DNAJB6: variants seen among roughly 807,000 people sequenced by gnomAD.
The protein encoded by DNAJB6 is dnaJ homolog subfamily B member 6.
Under a neutral mutation model 42.7 loss-of-function variants are expected in DNAJB6, and 16 were observed. The observed-to-expected ratio is 0.37, with a 90% confidence interval of 0.25 to 0.57. DNAJB6 has a LOEUF of 0.57. DNAJB6 is among the 20% of genes least tolerant of loss of function. DNAJB6 has a pLI of 0.74. For missense variants in DNAJB6, 347 were observed against 416.8 expected, an observed-to-expected ratio of 0.83 and a Z score of 1.46; for synonymous variants, 170 against 163.5, an observed-to-expected ratio of 1.04 and a Z score of -0.30.
intron 1 of DNAJB6, among the ~76,000 whole-genome samples, chr7:157,344,937 T>C (rs532677192): frequency 2.6e-5 from 4 of 152,216 alleles, no homozygotes; most frequent in Non-Finnish European, 4.4e-5. Flanking sequence ...AGTGCTACTT[T>C]ACAGCACTGT....
chr7:157,373,257 A>G (rs79161932), intron 5 of DNAJB6, among the ~76,000 whole-genome samples: 1,685 of 152,276 alleles, frequency 0.011, 29 homozygotes, highest in East Asian at 0.06. Flanking sequence ...TCATATTTCT[A>G]ACGGGTAGAT....
chr7:157,349,950 G>A (rs987375901), intron 1 of DNAJB6, among the ~76,000 whole-genome samples: 2 of 152,012 alleles, frequency 1.3e-5, no homozygotes, highest in African/African-American at 4.8e-5. Flanking sequence ...GCCAACGCCC[G>A]GCTAATTATT....
At chr7:157,347,873 C>T (rs1048565566) in intron 1 of DNAJB6, among the ~76,000 whole-genome samples, 5 of 151,762 alleles carry the variant, frequency 3.3e-5, no homozygotes, top group African/African-American at 1.2e-4. Context: ...TTGGTTTACT[C>T]CAACCTCTGC....
chr7:157,371,440 C>T (rs1281287801), intron 5 of DNAJB6, among the ~76,000 whole-genome samples: 2 of 152,232 alleles, frequency 1.3e-5, no homozygotes, highest in Non-Finnish European at 2.9e-5. Context: ...CAGGTCTGTG[C>T]CTGAGCACCA....
At chr7:157,367,551 C>T in intron 5 of DNAJB6, 68 bp downstream of exon 5, 1 of 961,710 alleles carries the variant, frequency 1.0e-6, no homozygotes, top group Non-Finnish European at 1.7e-6. Flanking sequence ...TTAGTATGGC[C>T]TTTCTGTTGA....
In DNAJB6 at chr7:157,382,641, G is replaced by A. The variant is rs1800844692; in HGVS notation, c.478+264G>A. 1.2e-5 allele frequency: 3 copies of A among 250,826 alleles called. No homozygotes were observed. In the Admixed American group the frequency reaches 1.7e-4, roughly 14 times the overall value. 15.5% of individuals were successfully genotyped at this position (250,826 alleles called of 1,614,324 possible). A position where few individuals can be genotyped will look rare whatever the true frequency, so the allele number is the denominator to read the frequency against. On this transcript the variant is annotated intron_variant, in intron 6 of 9. Transcript: ENST00000262177. Reference sequence around the variant, plus strand: ...ATGTAATGAAATTCTTAGTTAAAAAGGGGCAACATATGTTCTGCATCAGTA... The same window carrying A: ...ATGTAATGAAATTCTTAGTTAAAAAAGGGCAACATATGTTCTGCATCAGTA...
At chr7:157,402,583 CACTT>C (rs1157272707) in intron 8 of DNAJB6, among the ~76,000 whole-genome samples, 1 of 152,226 alleles carries the variant, frequency 6.6e-6, no homozygotes, top group East Asian at 1.9e-4. Flanking sequence ...CCACTCACAC[CACTT>C]CCACCTCCGT....
At chr7:157,356,738 T>A (rs10257771) in intron 1 of DNAJB6, among the ~76,000 whole-genome samples, 11,199 of 152,278 alleles carry the variant, frequency 0.074, 617 homozygotes, top group African/African-American at 0.16. Flanking sequence ...GAACAAGTTT[T>A]TTTCTAAGTT....
At chr7:157,357,062 G>A in intron 1 of DNAJB6, among the ~76,000 whole-genome samples, 1 of 150,324 alleles carries the variant, frequency 6.7e-6, no homozygotes, top group Admixed American at 6.6e-5. Flanking sequence ...ACTTTGGGAG[G>A]CTGAGGTGGG....
chr7:157,401,197 C>T (rs1795501404), intron 8 of DNAJB6, among the ~76,000 whole-genome samples: 1 of 152,120 alleles, frequency 6.6e-6, no homozygotes, highest in Admixed American at 6.6e-5. Context: ...CAGTCGTGTA[C>T]ATGATTTATA....
chr7:157,337,334 CAGG>C (rs1247927530), intron 1 of DNAJB6, among the ~76,000 whole-genome samples, 190 bp downstream of exon 1: 121 of 151,234 alleles, frequency 8.0e-4, no homozygotes, highest in Non-Finnish European at 1.5e-3. Flanking sequence ...TCCTCTGGGT[CAGG>C]TCTGGGGCCG....
At chr7:157,350,415 C>A (rs1357917093) in intron 1 of DNAJB6, among the ~76,000 whole-genome samples, 1 of 152,100 alleles carries the variant, frequency 6.6e-6, no homozygotes, top group East Asian at 1.9e-4. Flanking sequence ...TGAATAAGGA[C>A]CAAAGGGTGA....
intron 8 of DNAJB6, among the ~76,000 whole-genome samples, chr7:157,391,212 C>T (rs138602592): frequency 1.6e-3 from 237 of 152,268 alleles, no homozygotes; most frequent in Middle Eastern, 3.4e-3. Flanking sequence ...GTGTGGTCAT[C>T]AGGGAACTGT....
chr7:157,393,395 C>T (rs1801440351), intron 8 of DNAJB6, among the ~76,000 whole-genome samples: 1 of 152,106 alleles, frequency 6.6e-6, no homozygotes, highest in East Asian at 1.9e-4. Flanking sequence ...TCTTGTTTTC[C>T]AGCAGGCTGA....
intron 5 of DNAJB6, chr7:157,370,790 G>C (rs1584912115): frequency 6.6e-6 from 1 of 152,602 alleles, no homozygotes; most frequent in East Asian, 1.9e-4. Context: ...CCATTTTCAG[G>C]CTCTCAGGAT....
chr7:157,391,470 T>C (rs1189605773), intron 8 of DNAJB6, among the ~76,000 whole-genome samples: 1 of 152,228 alleles, frequency 6.6e-6, no homozygotes, highest in Non-Finnish European at 1.5e-5. Context: ...GAATTGGCAC[T>C]GGACACGGCC....
chr7:157,371,240 G>A (rs1800194369), intron 5 of DNAJB6, among the ~76,000 whole-genome samples: 1 of 152,234 alleles, frequency 6.6e-6, no homozygotes, highest in African/African-American at 2.4e-5. Flanking sequence ...GGGGACCGCT[G>A]TTGACAAATC....
intron 1 of DNAJB6, among the ~76,000 whole-genome samples, chr7:157,357,808 A>G (rs1395975723): frequency 6.6e-6 from 1 of 152,328 alleles, no homozygotes; most frequent in East Asian, 1.9e-4. Context: ...GGAAGTAACA[A>G]GGTTGAACCA....
intron 2 of DNAJB6, 117 bp from the exon 3 acceptor site, chr7:157,363,044 T>C (rs1490879421): frequency 3.2e-6 from 2 of 629,020 alleles, no homozygotes; most frequent in African/African-American, 3.7e-5. Flanking sequence ...TTAAAACCAG[T>C]ATTCATCTCA....
Sources: gnomAD v4.1 joint callset for allele counts (sites outside exome capture counted in the v4.1 genomes callset) on GRCh38, gnomAD v4.1.1 for gene constraint, MANE v1.5 for transcripts, NCBI Gene and HGNC (gene_info 2026-07-23, HGNC 2026-07-21) for gene names.